CBR4: variants seen among roughly 807,000 people sequenced by gnomAD.
CBR4 encodes the protein 3-oxoacyl-[acyl-carrier-protein] reductase.
A neutral mutation model predicts 21.0 loss-of-function variants in CBR4; 22 were observed. The observed-to-expected ratio is 1.05, with a 90% CI of 0.75 to 1.50. The LOEUF is 1.50. CBR4 is among the 40% of genes most tolerant of loss of function. CBR4 has a pLI of 0.00. For synonymous variants in CBR4, 100 were observed against 104.4 expected, an observed-to-expected ratio of 0.96 and a Z score of 0.26; for missense variants, 302 against 286.3, an observed-to-expected ratio of 1.05 and a Z score of -0.40.
chr4:169,003,419 GCTT>G (rs1171197547), intron 3 of CBR4, among the ~76,000 whole-genome samples: 1 of 152,214 alleles, frequency 6.6e-6, no homozygotes, highest in Non-Finnish European at 1.5e-5. Flanking sequence ...GTGAGGAGTT[GCTT>G]CTTATGTATG....
At chr4:168,965,281 T>C (rs1028449671) in intron 2 of CBR4, among the ~76,000 whole-genome samples, 1 of 152,022 alleles carries the variant, frequency 6.6e-6, no homozygotes, top group African/African-American at 2.4e-5. Flanking sequence ...GTAAAAACAT[T>C]CCATTCTCAT....
At chr4:168,981,872 T>C (rs984442972) in intron 2 of CBR4, among the ~76,000 whole-genome samples, 3 of 152,220 alleles carry the variant, frequency 2.0e-5, no homozygotes, top group African/African-American at 4.8e-5. Context: ...CTAAGGGCAT[T>C]TGTTACCACC....
intron 2 of CBR4, chr4:168,913,960 C>A: frequency 6.2e-7 from 1 of 1,613,142 alleles, no homozygotes; most frequent in Non-Finnish European, 8.5e-7. Context: ...GCTAATGGTA[C>A]AGGCTGTCAA....
intron 2 of CBR4, among the ~76,000 whole-genome samples, chr4:168,914,676 C>T (rs1759741074): frequency 6.6e-6 from 1 of 152,192 alleles, no homozygotes; most frequent in Non-Finnish European, 1.5e-5. Context: ...AGTAAGTCAA[C>T]CATCCTGTCA....
chr4:168,987,794 G>A lies in CBR4; in HGVS notation c.*2356C>T. 4.1e-6 allele frequency: 4 copies of A among 982,886 alleles called. No individual in the cohort carries two copies. The highest frequency in any genetic ancestry group is 4.8e-6 in the Non-Finnish European group (4 of 827,860). 60.9% of individuals were successfully genotyped at this position (982,886 alleles called of 1,614,324 possible). ...GCACGTAAATTAAATTATCCTCTTT[G>A]CACAATTATTCCCCCCAAAACTAAT... On this transcript the variant is annotated 3_prime_UTR_variant, in exon 5 of 5. Coordinates refer to ENST00000306193, the MANE Select transcript of CBR4 (RefSeq NM_032783.5).
intron 2 of CBR4, chr4:168,926,985 T>C: frequency 4.6e-6 from 1 of 219,620 alleles, no homozygotes; most frequent in Non-Finnish European, 9.2e-6. Context: ...ACAAGGTTAA[T>C]ACCTTAGTTC....
At position 168,921,875 on chromosome 4, in the gene CBR4, T is replaced by C. The variant is rs1761579156; in HGVS notation, n.170-27110A>G. ...TAGATTGTATCATCAAAATAGCCAA[T>C]GAGGACATGGTTATAAGGCCTAGCA... On this transcript the variant is annotated intron_variant and non_coding_transcript_variant, in intron 2 of 3. Transcript: ENST00000509108. 8 of 769,356 alleles carry C rather than the reference T, an allele frequency of 1.0e-5. No individual in the cohort carries two copies. In the East Asian group the frequency reaches 1.3e-4, roughly 13 times the overall value. 47.7% of individuals were successfully genotyped at this position (769,356 alleles called of 1,614,324 possible).
chr4:168,970,525 G>T (rs1764173619), intron 2 of CBR4, among the ~76,000 whole-genome samples: 1 of 151,946 alleles, frequency 6.6e-6, no homozygotes, highest in Admixed American at 6.6e-5. Context: ...GGAACAGGTG[G>T]TATTTGGTTA....
At chr4:168,946,107 T>C (rs1763390382) in intron 2 of CBR4, among the ~76,000 whole-genome samples, 1 of 152,188 alleles carries the variant, frequency 6.6e-6, no homozygotes, top group African/African-American at 2.4e-5. Flanking sequence ...CCTTAAAATA[T>C]AAGCTTCCTT....
At chr4:168,920,003 T>C (rs1761110440) in intron 2 of CBR4, among the ~76,000 whole-genome samples, 1 of 152,198 alleles carries the variant, frequency 6.6e-6, no homozygotes, top group Non-Finnish European at 1.5e-5. Flanking sequence ...TCTCTCCTAC[T>C]AAACATACTG....
At chr4:168,924,448 C>T in intron 2 of CBR4, 2 of 1,589,514 alleles carry the variant, frequency 1.3e-6, no homozygotes, top group African/African-American at 2.7e-5. Flanking sequence ...GAACCTGATC[C>T]TTAACTGTTC....
At chr4:168,936,858 C>T (rs929937728) in intron 2 of CBR4, among the ~76,000 whole-genome samples, 15 of 152,156 alleles carry the variant, frequency 9.9e-5, no homozygotes, top group African/African-American at 3.4e-4. Context: ...TTGGAAAACA[C>T]TCTTCAGGAT....
At chr4:168,905,570 T>G (rs1412521806) in intron 2 of CBR4, among the ~76,000 whole-genome samples, 1 of 152,084 alleles carries the variant, frequency 6.6e-6, no homozygotes, top group Non-Finnish European at 1.5e-5. Context: ...TGAAAACAGA[T>G]TATCCAGCTA....
At chr4:168,935,512 G>C (rs1366720234) in intron 2 of CBR4, among the ~76,000 whole-genome samples, 2 of 152,118 alleles carry the variant, frequency 1.3e-5, no homozygotes, top group Non-Finnish European at 2.9e-5. Flanking sequence ...AGATCCACTG[G>C]CTTGAAATTC....
chr4:168,972,782 G>C (rs918368610), intron 2 of CBR4, among the ~76,000 whole-genome samples: 1 of 152,156 alleles, frequency 6.6e-6, no homozygotes, highest in Non-Finnish European at 1.5e-5. Flanking sequence ...TCTCTTGTCT[G>C]ATTGCTCTGG....
intron 2 of CBR4, among the ~76,000 whole-genome samples, chr4:168,913,020 GA>G (rs1237503126): frequency 6.6e-6 from 1 of 152,006 alleles, no homozygotes; most frequent in Non-Finnish European, 1.5e-5. Context: ...CATTTCATGA[GA>G]ACATGGCTTC....
intron 2 of CBR4, chr4:168,904,113 A>G: frequency 1.7e-6 from 1 of 572,606 alleles, no homozygotes; most frequent in Non-Finnish European, 3.1e-6. Flanking sequence ...GTGTTATTCT[A>G]CTCCTTCCAC....
In CBR4 at chr4:168,989,205, C is replaced by G. The variant is rs537116819; in HGVS notation, c.*945G>C. On this transcript the variant is annotated 3_prime_UTR_variant, in exon 5 of 5. Transcript: ENST00000306193. ...GAATCATAATCACTAATGCAAAATA[C>G]TCTTAATTTTTTAAATGTTGTATTT... is the stretch of plus-strand genomic sequence containing the variant. 14 of 970,356 alleles carry G rather than the reference C, an allele frequency of 1.4e-5. No individual in the cohort carries two copies. In the South Asian group the frequency reaches 5.2e-4, roughly 36 times the overall value. 60.1% of individuals were successfully genotyped at this position (970,356 alleles called of 1,614,324 possible). A position where few individuals can be genotyped will look rare whatever the true frequency, so the allele number is the denominator to read the frequency against.
intron 4 of CBR4, among the ~76,000 whole-genome samples, chr4:168,997,874 CA>C (rs1282700532): frequency 6.6e-6 from 1 of 152,106 alleles, no homozygotes; most frequent in African/African-American, 2.4e-5. Context: ...AGAACAAAAA[CA>C]ACCCAACACT....
Sources: gnomAD v4.1 joint callset for allele counts (sites outside exome capture counted in the v4.1 genomes callset) on GRCh38, gnomAD v4.1.1 for gene constraint, MANE v1.5 for transcripts, NCBI Gene and HGNC (gene_info 2026-07-23, HGNC 2026-07-21) for gene names.